RIC8A: variants seen among roughly 807,000 people sequenced by gnomAD.
The protein encoded by RIC8A is RIC8 guanine nucleotide exchange factor A, also known as chaperone Ric-8A.
In RIC8A, 37 loss-of-function variants were observed where a neutral mutation model predicts 48.4. The ratio of observed to expected loss-of-function variants is 0.77; its 90% confidence interval spans 0.59 to 1.01. RIC8A has a LOEUF of 1.01. Ranked by LOEUF, RIC8A falls within the 50% of genes least tolerant of loss-of-function variation. The pLI, the probability that RIC8A is intolerant of heterozygous loss-of-function variation, is 0.00. For synonymous variants in RIC8A, 288 were observed against 283.4 expected (o/e 1.02, Z -0.16); for missense variants, 681 against 696.8 (o/e 0.98, Z 0.25).
rs549055392 is a variant in RIC8A, at chr11:208,081, A to C, written c.-774A>C. The C allele has an allele frequency of 1.0e-4, 16 of 152,416 alleles. No individual in the cohort carries two copies. In the East Asian group the frequency reaches 3.1e-3, roughly 29 times the overall value. 9.4% of individuals were successfully genotyped at this position (152,416 alleles called of 1,614,324 possible). A position where few individuals can be genotyped will look rare whatever the true frequency, so the allele number is the denominator to read the frequency against. On this transcript the variant is annotated 5_prime_UTR_variant, in exon 1 of 10. Coordinates refer to ENST00000526104, the MANE Select transcript of RIC8A (RefSeq NM_001286134.2). The surrounding 1 kb of genome is among the most constrained non-coding windows in gnomAD (Gnocchi z 4.8). ...CTGAATCCTCATGACGGCCACTGAA[A>C]CGGACACGCAGGATCTTTGCTTTTC...
At chr11:209,351 G>A (rs1429121035) in intron 2 of RIC8A, 33 bp downstream of exon 2, 3 of 1,605,018 alleles carry the variant, frequency 1.9e-6, no homozygotes, top group Admixed American at 1.7e-5. Context: ...AAGGGGCAGG[G>A]ACGGGTGGCC....
Position 212,895 on chromosome 11 carries a change from G to T in RIC8A, c.1269G>T (p.Arg423Ser), listed in dbSNP as rs1254499785. The change falls in exon 8 of 10, where the codon AGG becomes AGT. Residue 423 changes from arginine to serine, a missense_variant. Arg to Ser is a moderately radical substitution (Grantham distance 110). Transcript: ENST00000526104. ...ATGCTGCTGGCCTTCTGGCTGCCAG[G>T]GGCCTCATGGCAGGAGGCCGGCCCG... ...YGNAAGLLAA[R>S]GLMAGGRPEG... 1 of 1,606,652 alleles carries T rather than the reference G, an allele frequency of 6.2e-7. No homozygotes were observed. Among genetic ancestry groups the T allele is most frequent in the Non-Finnish European group, 8.5e-7 (1 of 1,176,274 alleles).
intron 5 of RIC8A, chr11:212,114 C>A: frequency 2.6e-6 from 1 of 385,260 alleles, no homozygotes. Flanking sequence ...TTTGTGTTTT[C>A]TTCCCAGCTC....
rs1855344036 is a variant in RIC8A at position 211,037 on chromosome 11, G to A, written c.819-162G>A. The A allele has an allele frequency of 2.8e-6, 2 of 705,666 alleles. No individual in the cohort carries two copies. The highest frequency in any genetic ancestry group is 2.8e-4 in the Middle Eastern group (1 of 3,524). 43.7% of individuals were successfully genotyped at this position (705,666 alleles called of 1,614,324 possible). On this transcript the variant is annotated intron_variant, in intron 4 of 9. Coordinates refer to ENST00000526104, the MANE Select transcript of RIC8A (RefSeq NM_001286134.2). This position sits in a 1 kb window ranked among gnomAD's most constrained non-coding sequence, Gnocchi z 4.0. The stretch of plus-strand genomic sequence containing the variant: ...GACCCCACTGTACAGCTGAGTGGCA[G>A]TGCCTCTCAGATCAGTCCCTGCCCT...
chr11:210,029 G>GTC, intron 3 of RIC8A, 29 bp downstream of exon 3: 2 of 1,530,056 alleles, frequency 1.3e-6, no homozygotes, highest in Non-Finnish European at 1.8e-6. Flanking sequence ...CCATGGATGG[G>GTC]TCTCAACTCA....
chr11:215,096 AAG>A lies in RIC8A; in HGVS notation c.*749_*750del, dbSNP rs1172920592. 6.5e-6 allele frequency: 1 copy of A among 154,532 alleles called. No individual in the cohort carries two copies. Among genetic ancestry groups the A allele is most frequent in the Non-Finnish European group, 1.4e-5 (1 of 69,516 alleles). 9.6% of individuals were successfully genotyped at this position (154,532 alleles called of 1,614,324 possible). A position where few individuals can be genotyped will look rare whatever the true frequency, so the allele number is the denominator to read the frequency against. On this transcript the variant is annotated 3_prime_UTR_variant, in exon 10 of 10. Coordinates refer to ENST00000526104, the MANE Select transcript of RIC8A (RefSeq NM_001286134.2). ...ACAGAAACATCATCTTGAAATAAAG[AAG>A]AGTTTTGGACAAAAATGTATGTGTA...
chr11:209,288 G>A lies in RIC8A; in HGVS notation c.102G>A (p.Thr34=), dbSNP rs948655101. ...CTCTGCAGCACTCCCAGAGCTTCAC[G>A]TTTGATGATGCCCAACAGGAGGACC... ...SYNQEHSQSF[T]FDDAQQEDRK... is the part of the protein sequence containing the mutation. Residue 34 remains threonine (T), a synonymous_variant, in exon 2 of 10, where the codon ACG becomes ACA. Transcript: ENST00000526104. 1 of 1,614,030 alleles carries A rather than the reference G, an allele frequency of 6.2e-7. No individual in the cohort carries two copies. The highest frequency in any genetic ancestry group is 1.1e-5 in the South Asian group (1 of 91,070).
At chr11:213,653 G>C (rs1855434399) in intron 9 of RIC8A, 1 of 486,184 alleles carries the variant, frequency 2.1e-6, no homozygotes, top group South Asian at 2.3e-5. Context: ...GAAATTAAGA[G>C]ACTGTCTAAG....
Position 209,392 on chromosome 11 carries a change from T to TC in RIC8A, c.133-14dup. ...AAGAAGGGCCTGGTGGAGCCGCTCT[T>TC]CTCCCTGCCCACAGAGACTGGCGGA... On this transcript the variant is annotated splice_polypyrimidine_tract_variant and intron_variant, in intron 2 of 9. Coordinates refer to ENST00000526104, the MANE Select transcript of RIC8A (RefSeq NM_001286134.2). 1 of 1,600,510 alleles carries TC rather than the reference T, an allele frequency of 6.2e-7. No individual in the cohort carries two copies.
At chr11:210,251 G>T in intron 3 of RIC8A, 1 of 664,812 alleles carries the variant, frequency 1.5e-6, no homozygotes, top group Non-Finnish European at 2.7e-6. Flanking sequence ...TGGGGAGACT[G>T]TAAGAGATCC....
At position 207,767 on chromosome 11, in the gene RIC8A, A is replaced by G. The variant is rs1855218755; in HGVS notation, c.-1088A>G. ...TTCTGTGGGTTAGGTCCTAACGGTT[A>G]GGAAGGATTCACAGGCGGGTCATGA... On this transcript the variant is annotated 5_prime_UTR_variant, in exon 1 of 10. It removes the in-frame stop codon of an upstream open reading frame in the 5' UTR. Transcript: ENST00000526104. 1 of 163,560 alleles carries G rather than the reference A, an allele frequency of 6.1e-6. No individual in the cohort carries two copies. The highest frequency in any genetic ancestry group is 2.4e-5 in the African/African-American group (1 of 41,650). 10.1% of individuals were successfully genotyped at this position (163,560 alleles called of 1,614,324 possible). A position where few individuals can be genotyped will look rare whatever the true frequency, so the allele number is the denominator to read the frequency against.
intron 1 of RIC8A, 149 bp downstream of exon 1, chr11:209,087 T>G: frequency 9.8e-7 from 1 of 1,024,936 alleles, no homozygotes; most frequent in Non-Finnish European, 1.5e-6. Flanking sequence ...TGGGATGCAG[T>G]GTTGCGGGGA....
Position 214,456 on chromosome 11 carries a change from C to G in RIC8A, c.*106C>G, listed in dbSNP as rs1308396628. 7.4e-7 allele frequency: 1 copy of G among 1,359,414 alleles called. No homozygotes were observed. Among genetic ancestry groups the G allele is most frequent in the Middle Eastern group, 1.8e-4 (1 of 5,610 alleles). The allele number at this position is 1,359,414 out of a possible 1,614,324, so 84.2% of individuals were successfully genotyped here. A position where few individuals can be genotyped will look rare whatever the true frequency, so the allele number is the denominator to read the frequency against. ...CATCCCACTGGATCCACACCCGCCC[C>G]CACTTCTCCATCTTAGAAACCCCTT... On this transcript the variant is annotated 3_prime_UTR_variant, in exon 10 of 10. Coordinates refer to ENST00000526104, the MANE Select transcript of RIC8A (RefSeq NM_001286134.2).
In RIC8A at chr11:212,847, C is replaced by G; in HGVS notation, c.1221C>G (p.Phe407Leu). The change falls in exon 8 of 10, where the codon TTC becomes TTG. Residue 407 changes from phenylalanine to leucine, a missense_variant. Coordinates refer to ENST00000526104, the MANE Select transcript of RIC8A (RefSeq NM_001286134.2). Reference protein sequence around the residue: ...FVLCSESVPRFIKYTGYGNAA... With the variant: ...FVLCSESVPRLIKYTGYGNAA... ...TGCCTTGCCCCTCAGTGCCCCGATT[C>G]ATCAAGTACACAGGCTATGGGAATG... The G allele has an allele frequency of 6.2e-7, 1 of 1,605,482 alleles. No individual in the cohort carries two copies. Among genetic ancestry groups the G allele is most frequent in the South Asian group, 1.1e-5 (1 of 89,504 alleles).
rs1855387650 is a variant in RIC8A at position 212,514 on chromosome 11, A to T, written c.1065+3A>T. 1 of 1,613,578 alleles carries T rather than the reference A, an allele frequency of 6.2e-7. No individual in the cohort carries two copies. Among genetic ancestry groups the T allele is most frequent in the African/African-American group, 1.3e-5 (1 of 74,918 alleles). ...CCAGGAAGTTCCTGAAGGCCCAGGT[A>T]TAAGGCTGAGGAGCTGGTGCTCCTG... On this transcript the variant is annotated splice_donor_region_variant and intron_variant, in intron 6 of 9. Coordinates refer to ENST00000526104, the MANE Select transcript of RIC8A (RefSeq NM_001286134.2).
Position 209,687 on chromosome 11 carries a change from C to T in RIC8A, c.413C>T (p.Ala138Val). ...SPVAQMLAAE[A>V]RLVVKLTERV... ...GTGGCACAGATGCTGGCAGCAGAGGCCCGCCTAGTGGTGAAGCTCACAGAG... is the reference window on the plus strand; with the variant it reads ...GTGGCACAGATGCTGGCAGCAGAGGTCCGCCTAGTGGTGAAGCTCACAGAG... The change falls in exon 3 of 10, where the codon GCC becomes GTC. Residue 138 changes from alanine (A) to valine (V), a missense_variant. Physicochemically the swap from Ala to Val is moderately conservative, Grantham distance 64 (BLOSUM62 0). Transcript: ENST00000526104. 4 of 1,613,942 alleles carry T rather than the reference C, an allele frequency of 2.5e-6. No homozygotes were observed. The highest frequency in any genetic ancestry group is 2.5e-6 in the Non-Finnish European group (3 of 1,179,994).
rs374226459 is a variant in RIC8A at position 210,610 on chromosome 11, C to T, written c.766C>T (p.Arg256Trp). The T allele has an allele frequency of 8.1e-6, 13 of 1,614,030 alleles. No homozygotes were observed. Among genetic ancestry groups the T allele is most frequent in the Non-Finnish European group, 1.1e-5 (13 of 1,180,042 alleles). Reference protein sequence around the residue: ...ALYRHLGTLLRHCVMIATAGD... With the variant: ...ALYRHLGTLLWHCVMIATAGD... ...TTACCGACACCTGGGGACCCTTCTC[C>T]GGCACTGTGTGATGATCGCTACTGC... Residue 256 changes from arginine (R) to tryptophan (W), a missense_variant, in exon 4 of 10, where the codon CGG becomes TGG. Transcript: ENST00000526104.
rs551816544 is a variant in RIC8A, at chr11:214,698, G to A, written c.*348G>A. ...GAGCATATGGGAGGGCAGGGGTTTG[G>A]GTGTGGGTGCACACAAAGCAAGCAC... On this transcript the variant is annotated 3_prime_UTR_variant, in exon 10 of 10. Transcript: ENST00000526104. 86 of 383,264 alleles carry A rather than the reference G, an allele frequency of 2.2e-4. No homozygotes were observed. The highest frequency in any genetic ancestry group is 1.7e-3 in the African/African-American group (80 of 47,940). 23.7% of individuals were successfully genotyped at this position (383,264 alleles called of 1,614,324 possible).
At chr11:210,111 AG>A in intron 3 of RIC8A, 111 bp downstream of exon 3, 1 of 931,830 alleles carries the variant, frequency 1.1e-6, no homozygotes, top group East Asian at 2.6e-5. Context: ...TGGAGAGGAC[AG>A]GACCTCCCAG....
Sources: gnomAD v4.1 joint callset for allele counts on GRCh38, gnomAD v4.1.1 for gene constraint, Gnocchi (gnomAD v3.1) non-coding constraint, MANE v1.5 for transcripts, NCBI Gene and HGNC (gene_info 2026-07-23, HGNC 2026-07-21) for gene names.